ADARB2: variants seen among roughly 807,000 people sequenced by gnomAD.
ADARB2 encodes inactive double-stranded RNA-specific editase B2.
Under a neutral mutation model 62.2 loss-of-function variants are expected in ADARB2, and 25 were observed. The observed-to-expected ratio is 0.40, with a 90% CI of 0.29 to 0.56. ADARB2 has a LOEUF of 0.56. Among genes scored for constraint, ADARB2 ranks in the 20% least tolerant of loss-of-function variants. The pLI is 0.43. For missense variants in ADARB2, 1,071 were observed against 1,077.4 expected (o/e 0.99, Z 0.08); for synonymous variants, 572 against 500.8 (o/e 1.14, Z -1.90).
At chr10:1,293,233 G>GGAGAGAGGGACGGGGGGA (rs1831491777) in intron 3 of ADARB2, among the ~76,000 whole-genome samples, 1 of 129,040 alleles carries the variant, frequency 7.7e-6, no homozygotes, top group Non-Finnish European at 1.6e-5. Flanking sequence ...GGACGGGGAG[G>GGAGAGAGGGACGGGGGGA]GAGAGAGGGA....
At chr10:1,649,215 A>G (rs538950518) in intron 1 of ADARB2, among the ~76,000 whole-genome samples, 7 of 152,290 alleles carry the variant, frequency 4.6e-5, no homozygotes, top group African/African-American at 7.2e-5. Context: ...AAAAAGAAGG[A>G]TGATTTATTT....
At chr10:1,652,667 C>A (rs375807102) in intron 1 of ADARB2, among the ~76,000 whole-genome samples, 3 of 152,094 alleles carry the variant, frequency 2.0e-5, no homozygotes, top group Non-Finnish European at 4.4e-5. Context: ...TTGTGTTGAC[C>A]TTTTCAGTCC....
chr10:1,593,164 T>C (rs1833283916), intron 1 of ADARB2, among the ~76,000 whole-genome samples: 1 of 116,944 alleles, frequency 8.6e-6, no homozygotes, highest in African/African-American at 3.5e-5. Flanking sequence ...GCTCCATCGG[T>C]CTCCTCTCTG....
At chr10:1,713,211 G>A (rs905045628) in intron 1 of ADARB2, among the ~76,000 whole-genome samples, 2 of 152,168 alleles carry the variant, frequency 1.3e-5, no homozygotes, top group African/African-American at 4.8e-5. Flanking sequence ...GTGATGGGAG[G>A]CGAAGGCAGA....
intron 3 of ADARB2, chr10:1,361,386 C>T (rs1369442698): frequency 3.3e-5 from 5 of 152,180 alleles, no homozygotes; most frequent in East Asian, 1.9e-4. Flanking sequence ...ATGTGGAAGC[C>T]ATCCTTGCTG....
At chr10:1,554,285 C>T (rs999683211) in intron 1 of ADARB2, among the ~76,000 whole-genome samples, 37 of 152,250 alleles carry the variant, frequency 2.4e-4, no homozygotes, top group Middle Eastern at 3.4e-3. Flanking sequence ...TGGCTGTTTT[C>T]GTGGGGCTCC....
chr10:1,728,373 T>A (rs1588368965), intron 1 of ADARB2, among the ~76,000 whole-genome samples: 2 of 152,238 alleles, frequency 1.3e-5, no homozygotes, highest in African/African-American at 4.8e-5. Flanking sequence ...TTAGTGAAGA[T>A]TTCTTTCTCT....
intron 1 of ADARB2, among the ~76,000 whole-genome samples, chr10:1,563,603 T>A (rs977361152): frequency 6.6e-6 from 1 of 151,920 alleles, no homozygotes; most frequent in African/African-American, 2.4e-5. Context: ...GCACTCCCTG[T>A]CTCTATAGGA....
chr10:1,642,449 C>T (rs542055433), intron 1 of ADARB2, among the ~76,000 whole-genome samples: 17 of 152,078 alleles, frequency 1.1e-4, no homozygotes, highest in South Asian at 4.1e-4. Flanking sequence ...GCCACATGCA[C>T]GTTTTGGAAA....
chr10:1,466,512 C>T (rs1023679584), intron 1 of ADARB2, among the ~76,000 whole-genome samples: 4 of 152,118 alleles, frequency 2.6e-5, no homozygotes, highest in Admixed American at 6.5e-5. Context: ...GGATGAAAAA[C>T]GTTTCTTTCT....
intron 3 of ADARB2, among the ~76,000 whole-genome samples, chr10:1,298,527 G>T (rs1434982050): frequency 6.6e-6 from 1 of 152,064 alleles, no homozygotes; most frequent in East Asian, 1.9e-4. Context: ...TCACCTTGAG[G>T]GAGCCCAGAG....
intron 1 of ADARB2, among the ~76,000 whole-genome samples, chr10:1,556,304 T>C (rs542222615): frequency 4.6e-5 from 7 of 151,646 alleles, no homozygotes; most frequent in African/African-American, 1.4e-4. Flanking sequence ...GACAAATCCC[T>C]TTGCTTGAGG....
chr10:1,519,796 G>A (rs895590445), intron 1 of ADARB2, among the ~76,000 whole-genome samples: 3 of 151,978 alleles, frequency 2.0e-5, no homozygotes, highest in South Asian at 2.1e-4. Context: ...ACCTCCCTTC[G>A]CCCTGCATGG....
At chr10:1,425,412 C>T (rs964464795) in intron 1 of ADARB2, among the ~76,000 whole-genome samples, 1 of 152,224 alleles carries the variant, frequency 6.6e-6, no homozygotes, top group Non-Finnish European at 1.5e-5. Flanking sequence ...ACAATAGATG[C>T]TCAACAAATG....
intron 3 of ADARB2, among the ~76,000 whole-genome samples, chr10:1,325,226 G>A (rs979495454): frequency 2.0e-5 from 3 of 152,074 alleles, no homozygotes; most frequent in Non-Finnish European, 4.4e-5. Flanking sequence ...GTCCTCTACC[G>A]GGGGGTCCCT....
At chr10:1,581,072 G>A (rs759615704) in intron 1 of ADARB2, among the ~76,000 whole-genome samples, 2 of 152,332 alleles carry the variant, frequency 1.3e-5, no homozygotes, top group South Asian at 4.1e-4. Context: ...GCTCCTTTGG[G>A]TAAATACTCA....
At chr10:1,647,670 A>G (rs1363021023) in intron 1 of ADARB2, among the ~76,000 whole-genome samples, 1 of 151,094 alleles carries the variant, frequency 6.6e-6, no homozygotes, top group Admixed American at 6.6e-5. Context: ...ATATATGTGT[A>G]TGTGTGTATA....
chr10:1,464,578 T>C (rs113149667), intron 1 of ADARB2, among the ~76,000 whole-genome samples: 16 of 41,564 alleles, frequency 3.8e-4, no homozygotes, highest in Non-Finnish European at 7.5e-4. Flanking sequence ...GGCAGTGCAC[T>C]GGAGAAGAGG....
chr10:1,280,910 G>A (rs1831364902), intron 3 of ADARB2, among the ~76,000 whole-genome samples: 1 of 152,240 alleles, frequency 6.6e-6, no homozygotes, highest in African/African-American at 2.4e-5. Context: ...GTTGGGGCCA[G>A]GGTGAAGGAA....
Sources: allele counts gnomAD v4.1 joint callset (sites outside exome capture counted in the v4.1 genomes callset), GRCh38; gene constraint gnomAD v4.1.1; transcripts MANE v1.5; gene names NCBI Gene and HGNC (gene_info 2026-07-23, HGNC 2026-07-21).